The following CDON variants were observed in gnomAD, a reference collection of about 807,000 sequenced individuals.
The protein encoded by CDON is cell adhesion associated, oncogene regulated, also known as cell adhesion molecule-related/down-regulated by oncogenes.
Under a neutral mutation model 120.9 loss-of-function variants are expected in CDON, and 73 were observed. The observed-to-expected ratio is 0.60, with a 90% CI of 0.50 to 0.73. CDON has a LOEUF of 0.73. Ranked by LOEUF, CDON falls within the 30% of genes least tolerant of loss-of-function variation. CDON has a pLI of 0.00. For missense variants in CDON, 1,470 were observed against 1,587.3 expected (o/e 0.93, Z 1.26); for synonymous variants, 566 against 573.5 (o/e 0.99, Z 0.19).
In CDON at chr11:125,971,410, ATAAT is replaced by A. The variant is rs900548009; in HGVS notation, c.3356+6890_3356+6893del. 2.2e-4 allele frequency among the ~76,000 whole-genome samples: 33 copies of A among 150,854 alleles called. No homozygotes were observed. In the Middle Eastern group the frequency reaches 0.01, roughly 47 times the overall value. On this transcript the variant is annotated intron_variant, in intron 18 of 19. Transcript: ENST00000531738. Reference sequence around the variant, plus strand: ...AATAAATAAATAAATAAATAAATAAATAATAATAATTAATGTTCTCATATTCATC... The same window carrying A: ...AATAAATAAATAAATAAATAAATAAAAATAATTAATGTTCTCATATTCATC...
chr11:126,057,496 C>T (rs943065762), intron 1 of CDON, among the ~76,000 whole-genome samples: 4 of 152,168 alleles, frequency 2.6e-5, no homozygotes, highest in African/African-American at 4.8e-5. Flanking sequence ...ACAGGCAAAA[C>T]TCATCTATTC....
At chr11:126,021,559 G>T in intron 2 of CDON, 39 bp from the exon 3 acceptor site, 1 of 1,559,216 alleles carries the variant, frequency 6.4e-7, no homozygotes, top group South Asian at 1.1e-5. Flanking sequence ...GAAAGCAGGG[G>T]AGAAAAGAGG....
At position 125,961,057 on chromosome 11, in the gene CDON, T is replaced by C; in HGVS notation, c.3680A>G (p.Asn1227Ser). 1 of 1,614,010 alleles carries C rather than the reference T, an allele frequency of 6.2e-7. No individual in the cohort carries two copies. Among genetic ancestry groups the C allele is most frequent in the South Asian group, 1.1e-5 (1 of 90,988 alleles). ...GGGGACAGGTGGCAAAATAAGAGCATTCCAACTTACAATGTTGATCTCTGT... is the reference window on the plus strand; with the variant it reads ...GGGGACAGGTGGCAAAATAAGAGCACTCCAACTTACAATGTTGATCTCTGT... Reference protein sequence around the residue: ...SETEINIVSWNALILPPVPEG... With the variant: ...SETEINIVSWSALILPPVPEG... Residue 1227 changes from asparagine (N) to serine (S), a missense_variant, in exon 20 of 20, where the codon AAT becomes AGT. Coordinates refer to ENST00000531738, the MANE Select transcript of CDON (RefSeq NM_001378964.1).
intron 15 of CDON, among the ~76,000 whole-genome samples, chr11:125,986,698 G>C (rs548640904): frequency 6.6e-6 from 1 of 151,792 alleles, no homozygotes; most frequent in South Asian, 2.1e-4. Context: ...CTGGGAGGCA[G>C]AGATTGCAGT....
At chr11:126,018,113 T>A (rs545828096) in intron 5 of CDON, among the ~76,000 whole-genome samples, 4 of 152,172 alleles carry the variant, frequency 2.6e-5, no homozygotes, top group Non-Finnish European at 5.9e-5. Flanking sequence ...TTGGTCAGGC[T>A]GGTCTCAAAC....
rs769832631 is a variant in CDON, at chr11:126,027,969, C to CTT, written c.-61-4434_-61-4433dup. Among the ~76,000 whole-genome samples, 11 of 125,772 alleles carry CTT rather than the reference C, an allele frequency of 8.7e-5. No individual in the cohort carries two copies. In the South Asian group the frequency reaches 1.6e-3, roughly 18 times the overall value. The allele number at this position is 125,772 out of a possible 152,430, so 82.5% of individuals were successfully genotyped here. A position where few individuals can be genotyped will look rare whatever the true frequency, so the allele number is the denominator to read the frequency against. On this transcript the variant is annotated intron_variant, in intron 1 of 19. Transcript: ENST00000531738. ...AGAATTCTGACTTAAATCACTCTGC[C>CTT]TTTTTTTTTTTTTTTTTTTACTTTA...
chr11:126,005,725 G>C (rs1947101708), intron 9 of CDON, 34 bp downstream of exon 9: 1 of 1,596,618 alleles, frequency 6.3e-7, no homozygotes, highest in Non-Finnish European at 8.6e-7. Context: ...GTTCAGGTGT[G>C]AGCCGAGAAA....
At chr11:126,049,627 T>C (rs1446436163) in intron 1 of CDON, among the ~76,000 whole-genome samples, 1 of 152,226 alleles carries the variant, frequency 6.6e-6, no homozygotes, top group East Asian at 1.9e-4. Context: ...AAAACATTTG[T>C]TTTGGCCTGC....
chr11:125,969,512 T>C (rs971732500), intron 18 of CDON, among the ~76,000 whole-genome samples: 1 of 152,234 alleles, frequency 6.6e-6, no homozygotes, highest in Non-Finnish European at 1.5e-5. Context: ...AGTTTGTAAC[T>C]TCACTATCTT....
intron 10 of CDON, among the ~76,000 whole-genome samples, chr11:126,003,026 C>G (rs1393468310): frequency 6.6e-6 from 1 of 152,060 alleles, no homozygotes; most frequent in African/African-American, 2.4e-5. Flanking sequence ...GCTCCGATGT[C>G]GACCGCTCAT....
At chr11:126,056,864 G>A (rs1158113947) in intron 1 of CDON, among the ~76,000 whole-genome samples, 3 of 152,080 alleles carry the variant, frequency 2.0e-5, no homozygotes, top group African/African-American at 7.2e-5. Flanking sequence ...CTTTTATGGT[G>A]GACTTTTCTT....
rs75922869 is a variant in CDON at position 125,999,828 on chromosome 11, A to C, written c.2158+1891T>G. Among the ~76,000 whole-genome samples, 244 of 152,280 alleles carry C rather than the reference A, an allele frequency of 1.6e-3. 3 individuals carry two copies. In the East Asian group the frequency reaches 0.029, roughly 18 times the overall value. ...CCTTTGGGGTTCACTATAGCTTTCAAGGAAAGATTCAACTTTGAAGCATAT... is the reference window on the plus strand; with the variant it reads ...CCTTTGGGGTTCACTATAGCTTTCACGGAAAGATTCAACTTTGAAGCATAT... On this transcript the variant is annotated intron_variant, in intron 11 of 19. Transcript: ENST00000531738.
chr11:125,969,379 A>G (rs961768344), intron 18 of CDON, among the ~76,000 whole-genome samples: 1 of 152,254 alleles, frequency 6.6e-6, no homozygotes, highest in African/African-American at 2.4e-5. Flanking sequence ...ATATCTGTAC[A>G]TATGTAAACT....
chr11:125,998,445 CT>C (rs1218804435), intron 11 of CDON, among the ~76,000 whole-genome samples: 1 of 152,134 alleles, frequency 6.6e-6, no homozygotes, highest in African/African-American at 2.4e-5. Context: ...CTCTTGCTTC[CT>C]TTCCCACCAT....
At chr11:126,016,397 A>C (rs571255727) in intron 6 of CDON, among the ~76,000 whole-genome samples, 2 of 152,294 alleles carry the variant, frequency 1.3e-5, no homozygotes, top group African/African-American at 4.8e-5. Flanking sequence ...CACCCAAAAA[A>C]AGAAAATTAA....
intron 16 of CDON, among the ~76,000 whole-genome samples, 171 bp downstream of exon 16, chr11:125,983,701 C>G (rs533282553): frequency 6.6e-6 from 1 of 152,334 alleles, no homozygotes; most frequent in East Asian, 1.9e-4. Context: ...TCCACTTACT[C>G]TGGCTGACAG....
chr11:125,977,916 C>T (rs1007691048), intron 18 of CDON, among the ~76,000 whole-genome samples: 1 of 151,908 alleles, frequency 6.6e-6, no homozygotes, highest in Non-Finnish European at 1.5e-5. Flanking sequence ...AGGGTTCCCC[C>T]CTCCCCCCAA....
chr11:125,994,821 T>C, intron 13 of CDON, 50 bp downstream of exon 13: 3 of 1,501,210 alleles, frequency 2.0e-6, no homozygotes, highest in Non-Finnish European at 2.8e-6. Context: ...TTAAATTGAT[T>C]GTTAACATGA....
intron 5 of CDON, 100 bp downstream of exon 5, chr11:126,018,230 G>A: frequency 1.6e-6 from 2 of 1,280,924 alleles, no homozygotes; most frequent in Middle Eastern, 2.7e-4. Context: ...GACTTTTTAT[G>A]ATAAACAAAC....
Sources: gnomAD v4.1 joint callset for allele counts (sites outside exome capture counted in the v4.1 genomes callset) on GRCh38, gnomAD v4.1.1 for gene constraint, MANE v1.5 for transcripts, NCBI Gene and HGNC (gene_info 2026-07-23, HGNC 2026-07-21) for gene names.